The following LRRFIP1 variants were observed in gnomAD, a reference collection of about 807,000 sequenced individuals.
LRRFIP1 encodes leucine-rich repeat flightless-interacting protein 1.
In LRRFIP1, 62 loss-of-function variants were observed where a neutral mutation model predicts 104.4. The ratio of observed to expected loss-of-function variants is 0.59; its 90% confidence interval spans 0.48 to 0.73. The LOEUF is 0.73. Ranked by LOEUF, LRRFIP1 falls within the 30% of genes least tolerant of loss-of-function variation. The pLI is 0.00. For missense variants in LRRFIP1, 796 were observed against 824.5 expected, an observed-to-expected ratio of 0.97 and a Z score of 0.42; for synonymous variants, 300 against 299.0, an observed-to-expected ratio of 1.00 and a Z score of -0.03.
intron 1 of LRRFIP1, among the ~76,000 whole-genome samples, chr2:237,676,473 A>G (rs999521513): frequency 3.3e-5 from 5 of 152,102 alleles, no homozygotes; most frequent in Admixed American, 2.0e-4. Flanking sequence ...TGGAGGGCTC[A>G]TGGTAGGGAG....
At chr2:237,678,295 T>C (rs1472567572) in intron 1 of LRRFIP1, among the ~76,000 whole-genome samples, 1 of 152,074 alleles carries the variant, frequency 6.6e-6, no homozygotes, top group Non-Finnish European at 1.5e-5. Flanking sequence ...CCAGTTACTG[T>C]TGGGGTTGTG....
chr2:237,630,111 G>A (rs4663766), intron 1 of LRRFIP1, among the ~76,000 whole-genome samples: 1 of 151,992 alleles, frequency 6.6e-6, no homozygotes, highest in Admixed American at 6.6e-5. Flanking sequence ...CGCCCCTCCC[G>A]GTAAAACCCA....
intron 19 of LRRFIP1, among the ~76,000 whole-genome samples, chr2:237,767,458 A>G (rs1243703611): frequency 6.6e-6 from 1 of 152,258 alleles, no homozygotes; most frequent in Non-Finnish European, 1.5e-5. Context: ...ATATAAATGT[A>G]AATCTTCCTT....
At chr2:237,679,403 C>G (rs115673425) in intron 1 of LRRFIP1, among the ~76,000 whole-genome samples, 2 of 152,088 alleles carry the variant, frequency 1.3e-5, no homozygotes, top group South Asian at 4.1e-4. Context: ...CAGCAATAAC[C>G]GTAAAATGAT....
intron 4 of LRRFIP1, among the ~76,000 whole-genome samples, chr2:237,719,200 G>GGGGAAAA (rs2094452305): frequency 6.6e-6 from 1 of 152,164 alleles, no homozygotes; most frequent in Non-Finnish European, 1.5e-5. Context: ...CTGAAAGTAA[G>GGGGAAAA]GGGAAAAGTA....
rs1466816532 is a variant in LRRFIP1 at position 237,661,004 on chromosome 2, T to C, written c.96+33264T>C. On this transcript the variant is annotated intron_variant, in intron 1 of 23. Transcript: ENST00000308482. This position sits in a 1 kb window ranked among gnomAD's most constrained non-coding sequence, Gnocchi z 4.4. Reference sequence around the variant, plus strand: ...ATCTCCTCTTGTGAAAGAGGCGAGATTATTGCTCAGCCTGGCTCCAGAGGC... The same window carrying C: ...ATCTCCTCTTGTGAAAGAGGCGAGACTATTGCTCAGCCTGGCTCCAGAGGC... 6.6e-6 allele frequency among the ~76,000 whole-genome samples: 1 copy of C among 151,900 alleles called. No individual in the cohort carries two copies. Among genetic ancestry groups the C allele is most frequent in the Non-Finnish European group, 1.5e-5 (1 of 67,974 alleles).
intron 15 of LRRFIP1, among the ~76,000 whole-genome samples, chr2:237,754,700 G>T (rs1202482452): frequency 6.6e-6 from 1 of 152,170 alleles, no homozygotes; most frequent in Non-Finnish European, 1.5e-5. Flanking sequence ...AACATTTTAC[G>T]CACAAAGTTC....
chr2:237,654,283 G>T (rs540416715), intron 1 of LRRFIP1, among the ~76,000 whole-genome samples: 1 of 152,204 alleles, frequency 6.6e-6, no homozygotes, highest in African/African-American at 2.4e-5. Context: ...TTAATCATCA[G>T]GGAAATGCAA....
At chr2:237,769,295 C>T (rs1044744464) in intron 19 of LRRFIP1, 1 of 152,500 alleles carries the variant, frequency 6.6e-6, no homozygotes, top group Non-Finnish European at 1.5e-5. Context: ...ACTTGACACT[C>T]GTTCAGAGAG....
At chr2:237,689,339 G>T (rs1235347866) in intron 1 of LRRFIP1, among the ~76,000 whole-genome samples, 1 of 152,116 alleles carries the variant, frequency 6.6e-6, no homozygotes, top group Non-Finnish European at 1.5e-5. Flanking sequence ...AGCTGGGGAT[G>T]GTTCTGAGAC....
intron 1 of LRRFIP1, among the ~76,000 whole-genome samples, chr2:237,657,950 G>A (rs1223143933): frequency 1.3e-5 from 2 of 152,154 alleles, no homozygotes; most frequent in South Asian, 2.1e-4. Flanking sequence ...GGTTCAGAAC[G>A]AGTGCAACCA....
intron 1 of LRRFIP1, among the ~76,000 whole-genome samples, chr2:237,659,053 C>T (rs909631799): frequency 4.0e-5 from 6 of 151,734 alleles, no homozygotes; most frequent in Non-Finnish European, 8.8e-5. Flanking sequence ...GTAAAAGGGG[C>T]ATTTCAAACC....
intron 13 of LRRFIP1, among the ~76,000 whole-genome samples, chr2:237,750,685 T>C (rs1488539223): frequency 6.6e-6 from 1 of 152,190 alleles, no homozygotes; most frequent in Non-Finnish European, 1.5e-5. Flanking sequence ...GCAGTCCTGA[T>C]GTTTCTCTGC....
chr2:237,751,862 C>G (rs2058667409), intron 14 of LRRFIP1, among the ~76,000 whole-genome samples: 1 of 152,142 alleles, frequency 6.6e-6, no homozygotes, highest in African/African-American at 2.4e-5. Flanking sequence ...TTGCCCTGTT[C>G]CTTGACAGTA....
At chr2:237,687,603 C>CAAA (rs58549867) in intron 1 of LRRFIP1, among the ~76,000 whole-genome samples, 2,486 of 81,030 alleles carry the variant, frequency 0.031, 88 homozygotes, top group African/African-American at 0.1. Context: ...GACTCCATCT[C>CAAA]AAAAAAAAAA....
chr2:237,736,024 C>T (rs1368438337), intron 10 of LRRFIP1, among the ~76,000 whole-genome samples: 1 of 152,128 alleles, frequency 6.6e-6, no homozygotes, highest in Admixed American at 6.6e-5. Flanking sequence ...GTCTTCAAGC[C>T]CTCCAGGAAA....
chr2:237,710,386 C>T (rs1285808766), intron 2 of LRRFIP1, among the ~76,000 whole-genome samples: 5 of 151,826 alleles, frequency 3.3e-5, no homozygotes, highest in Non-Finnish European at 2.9e-5. Flanking sequence ...TGGGTTCAAG[C>T]GATTCTCCTG....
intron 1 of LRRFIP1, among the ~76,000 whole-genome samples, chr2:237,677,097 A>G (rs1160523941): frequency 2.6e-5 from 4 of 152,236 alleles, no homozygotes; most frequent in Non-Finnish European, 5.9e-5. Context: ...AGTGACATCA[A>G]GTATACTCAC....
chr2:237,763,699 T>C (rs2150872952), intron 19 of LRRFIP1: 2 of 1,614,172 alleles, frequency 1.2e-6, no homozygotes, highest in Non-Finnish European at 8.5e-7. Context: ...AAGGTGATGA[T>C]GTACAAACAG....
Sources: allele counts gnomAD v4.1 joint callset (sites outside exome capture counted in the v4.1 genomes callset), GRCh38; gene constraint gnomAD v4.1.1; non-coding constraint Gnocchi (gnomAD v3.1); transcripts MANE v1.5; gene names NCBI Gene and HGNC (gene_info 2026-07-23, HGNC 2026-07-21).